Variants in AHRR observed in about 807,000 individuals in gnomAD.
The protein encoded by AHRR is ahR repressor.
A neutral mutation model predicts 44.0 loss-of-function variants in AHRR; 28 were observed. That is an observed-to-expected ratio of 0.64 (90% CI 0.47 to 0.87). The LOEUF is 0.87. AHRR is among the 40% of genes least tolerant of loss of function. The pLI is 0.00. For synonymous variants in AHRR, 434 were observed against 407.0 expected, an observed-to-expected ratio of 1.07 and a Z score of -0.80; for missense variants, 990 against 953.9, an observed-to-expected ratio of 1.04 and a Z score of -0.50.
intron 2 of AHRR, among the ~76,000 whole-genome samples, chr5:348,050 G>A (rs931143338): frequency 6.6e-6 from 1 of 152,236 alleles, no homozygotes; most frequent in African/African-American, 2.4e-5. Flanking sequence ...GCCCCTGAGA[G>A]GCCCCCACAA....
intron 3 of AHRR, among the ~76,000 whole-genome samples, chr5:360,627 C>T (rs984370129): frequency 2.0e-5 from 3 of 152,146 alleles, no homozygotes; most frequent in African/African-American, 7.2e-5. Context: ...AACACACGTA[C>T]CCCATGAACA....
chr5:434,123 C>T lies in AHRR; in HGVS notation c.1383C>T (p.Ser461=), dbSNP rs1464427995. ...HPPSPSPSAY[S]SRTSRPMRDV... ...CGAGCCCGTCCCCCAGTGCCTACTC[C>T]AGCCGGACCAGCAGACCCATGCGGG... Residue 461 remains serine (S), a synonymous_variant, in exon 11 of 11, where the codon TCC becomes TCT. Coordinates refer to ENST00000684583, the MANE Select transcript of AHRR (RefSeq NM_001377236.1). 6.2e-7 allele frequency: 1 copy of T among 1,612,620 alleles called. No individual in the cohort carries two copies. The highest frequency in any genetic ancestry group is 1.7e-4 in the Middle Eastern group (1 of 6,050).
At chr5:324,005 C>A (rs1380660794) in intron 1 of AHRR, among the ~76,000 whole-genome samples, 3 of 116,066 alleles carry the variant, frequency 2.6e-5, no homozygotes, top group Non-Finnish European at 5.5e-5. Flanking sequence ...TTCTTTTTTT[C>A]TCTTTCTTTC....
rs1350908551 is a variant in AHRR, at chr5:411,584, T to G, written c.352-1760T>G. The stretch of plus-strand genomic sequence containing the variant: ...AAGTTACCAGTGAATGCAGGAAATG[T>G]TTTTCAATGTCATTAGTAATCAAAG... On this transcript the variant is annotated intron_variant, in intron 4 of 10. Transcript: ENST00000684583. This position sits in a 1 kb window ranked among gnomAD's most constrained non-coding sequence, Gnocchi z 4.2. Among the ~76,000 whole-genome samples the G allele has an allele frequency of 6.6e-6, 1 of 152,152 alleles. No individual in the cohort carries two copies. Among genetic ancestry groups the G allele is most frequent in the Non-Finnish European group, 1.5e-5 (1 of 68,020 alleles).
At chr5:376,863 G>A (rs1252993580) in intron 4 of AHRR, 147 bp downstream of exon 4, 7 of 719,032 alleles carry the variant, frequency 9.7e-6, no homozygotes, top group East Asian at 2.8e-5. Flanking sequence ...GTCAGGAAGC[G>A]TAGGCTCCAA....
At position 387,440 on chromosome 5, in the gene AHRR, A is replaced by G. The variant is rs1418726357; in HGVS notation, c.351+10724A>G. 2.6e-5 allele frequency among the ~76,000 whole-genome samples: 4 copies of G among 152,122 alleles called. No individual in the cohort carries two copies. Among genetic ancestry groups the G allele is most frequent in the African/African-American group, 9.7e-5 (4 of 41,404 alleles). On this transcript the variant is annotated intron_variant, in intron 4 of 10. Transcript: ENST00000684583. The surrounding 1 kb of genome is among the most constrained non-coding windows in gnomAD (Gnocchi z 5.1). ...ATTGCCCTCTTCTTGTACAGCAGGG[A>G]CCCCATTGTGGGGGTCCTCCATCCA...
In AHRR at chr5:411,544, C is replaced by T. The variant is rs1045234311; in HGVS notation, c.352-1800C>T. 6.6e-6 allele frequency among the ~76,000 whole-genome samples: 1 copy of T among 151,922 alleles called. No individual in the cohort carries two copies. Among genetic ancestry groups the T allele is most frequent in the African/African-American group, 2.4e-5 (1 of 41,346 alleles). On this transcript the variant is annotated intron_variant, in intron 4 of 10. Coordinates refer to ENST00000684583, the MANE Select transcript of AHRR (RefSeq NM_001377236.1). The surrounding 1 kb of genome is among the most constrained non-coding windows in gnomAD (Gnocchi z 4.2). ...CACATGACATACATAGGGCAGTTTTCCAAAGAAGAAATACAAGTTACCAGT... is the reference window on the plus strand; with the variant it reads ...CACATGACATACATAGGGCAGTTTTTCAAAGAAGAAATACAAGTTACCAGT...
chr5:384,970 C>A (rs1734112643), intron 4 of AHRR, among the ~76,000 whole-genome samples: 1 of 151,766 alleles, frequency 6.6e-6, no homozygotes, highest in African/African-American at 2.4e-5. Context: ...ATAGTGAAAC[C>A]CTGTCTCTAC....
At chr5:355,912 C>T (rs1743023075) in intron 3 of AHRR, among the ~76,000 whole-genome samples, 1 of 152,224 alleles carries the variant, frequency 6.6e-6, no homozygotes, top group African/African-American at 2.4e-5. Flanking sequence ...TCAGGCTGTA[C>T]ATTTTAGAGG....
chr5:340,681 TATATA>T (rs1375402856), intron 1 of AHRR, among the ~76,000 whole-genome samples: 3 of 32,182 alleles, frequency 9.3e-5, no homozygotes, highest in East Asian at 4.1e-4. Context: ...TATATATATA[TATATA>T]TATTTTTTTT....
In AHRR at chr5:388,129, A is replaced by G. The variant is rs985116504; in HGVS notation, c.351+11413A>G. Among the ~76,000 whole-genome samples the G allele has an allele frequency of 2.6e-5, 4 of 152,170 alleles. No individual in the cohort carries two copies. Among genetic ancestry groups the G allele is most frequent in the African/African-American group, 9.7e-5 (4 of 41,434 alleles). ...GTCCCAATACAGGAAGGTCACATTC[A>G]TGGGTTTGGAAGGAAATGAATTTTG... On this transcript the variant is annotated intron_variant, in intron 4 of 10. Coordinates refer to ENST00000684583, the MANE Select transcript of AHRR (RefSeq NM_001377236.1). This position sits in a 1 kb window ranked among gnomAD's most constrained non-coding sequence, Gnocchi z 5.2.
intron 6 of AHRR, among the ~76,000 whole-genome samples, chr5:423,076 C>G (rs1001043417): frequency 4.6e-5 from 7 of 152,188 alleles, no homozygotes; most frequent in Non-Finnish European, 1.0e-4. Context: ...GTGTGCTTCA[C>G]TCCTGGTTGC....
chr5:352,468 A>T (rs527782705), intron 2 of AHRR, among the ~76,000 whole-genome samples: 12 of 139,100 alleles, frequency 8.6e-5, no homozygotes, highest in South Asian at 2.4e-4. Context: ...GCTGTAGGGG[A>T]TGGTCACTCT....
intron 8 of AHRR, among the ~76,000 whole-genome samples, chr5:428,646 C>G (rs943890543): frequency 1.3e-5 from 2 of 152,210 alleles, no homozygotes; most frequent in African/African-American, 4.8e-5. Context: ...TACGTTTACT[C>G]ACTATGCATT....
intron 3 of AHRR, among the ~76,000 whole-genome samples, chr5:368,206 T>C (rs189146794): frequency 2.0e-5 from 3 of 152,230 alleles, no homozygotes; most frequent in African/African-American, 7.2e-5. Flanking sequence ...GAGGACTCAG[T>C]GAGGGCTCGG....
At chr5:345,947 G>T (rs1742657393) in intron 2 of AHRR, among the ~76,000 whole-genome samples, 1 of 152,176 alleles carries the variant, frequency 6.6e-6, no homozygotes, top group Non-Finnish European at 1.5e-5. Context: ...GTCCCTCAAG[G>T]CTGCAGTTTG....
intron 4 of AHRR, among the ~76,000 whole-genome samples, chr5:403,506 C>T (rs1007900616): frequency 1.3e-5 from 2 of 151,950 alleles, no homozygotes; most frequent in African/African-American, 2.4e-5. Context: ...TGTGGTGGCG[C>T]ATGCCTGTAA....
intron 3 of AHRR, among the ~76,000 whole-genome samples, chr5:362,414 C>T (rs1249047621): frequency 1.3e-5 from 2 of 152,228 alleles, no homozygotes; most frequent in African/African-American, 2.4e-5. Context: ...TCTCATCCTG[C>T]GGTGGGCATG....
rs374676259 is a variant in AHRR at position 326,102 on chromosome 5, A to T, written c.-11+4283A>T. Among the ~76,000 whole-genome samples, 3 of 152,282 alleles carry T rather than the reference A, an allele frequency of 2.0e-5. No individual in the cohort carries two copies. The highest frequency in any genetic ancestry group is 3.9e-4 in the East Asian group (2 of 5,186). On this transcript the variant is annotated intron_variant, in intron 1 of 10. Transcript: ENST00000684583. The surrounding 1 kb of genome is among the most constrained non-coding windows in gnomAD (Gnocchi z 4.1). ...CCGGCCTCTTTGTATTTTCTCGTTG[A>T]GGCAAAATGCACATAACATCAAACT...
Sources: allele counts gnomAD v4.1 joint callset (sites outside exome capture counted in the v4.1 genomes callset), GRCh38; gene constraint gnomAD v4.1.1; non-coding constraint Gnocchi (gnomAD v3.1); transcripts MANE v1.5; gene names NCBI Gene and HGNC (gene_info 2026-07-23, HGNC 2026-07-21).